The following CDH13 variants were observed in gnomAD, a reference collection of about 807,000 sequenced individuals.
CDH13 encodes cadherin 13.
Under a neutral mutation model 63.8 loss-of-function variants are expected in CDH13, and 24 were observed. That is an observed-to-expected ratio of 0.38 (90% CI 0.27 to 0.53). The LOEUF is 0.53. Ranked by LOEUF, CDH13 falls within the 20% of genes least tolerant of loss-of-function variation. CDH13 has a pLI of 0.85. For synonymous variants in CDH13, 503 were observed against 355.3 expected, an observed-to-expected ratio of 1.42 and a Z score of -4.67; for missense variants, 1,049 against 903.1, an observed-to-expected ratio of 1.16 and a Z score of -2.07.
At chr16:82,682,992 C>T (rs575646554) in intron 1 of CDH13, among the ~76,000 whole-genome samples, 3 of 152,308 alleles carry the variant, frequency 2.0e-5, no homozygotes, top group Admixed American at 1.3e-4. Flanking sequence ...AATTAGACCT[C>T]GGGTTCAAGT....
intron 3 of CDH13, among the ~76,000 whole-genome samples, chr16:83,036,650 G>A (rs1916886416): frequency 6.6e-6 from 1 of 152,090 alleles, no homozygotes; most frequent in Admixed American, 6.5e-5. Flanking sequence ...ACACTCCTGT[G>A]GCTGCCTGTA....
chr16:83,229,592 A>G (rs561102596), intron 5 of CDH13, among the ~76,000 whole-genome samples: 3 of 151,808 alleles, frequency 2.0e-5, no homozygotes, highest in Admixed American at 6.6e-5. Context: ...TTTGATTGGT[A>G]TCTGTTTTAA....
intron 1 of CDH13, among the ~76,000 whole-genome samples, chr16:82,770,828 C>A (rs1005139669): frequency 6.6e-6 from 1 of 152,164 alleles, no homozygotes; most frequent in Non-Finnish European, 1.5e-5. Context: ...CTGCCTCAGC[C>A]TCCCGAGTAG....
intron 8 of CDH13, among the ~76,000 whole-genome samples, chr16:83,656,414 T>A (rs1364522086): frequency 1.3e-5 from 2 of 152,118 alleles, no homozygotes; most frequent in African/African-American, 4.8e-5. Flanking sequence ...CAGAAGCAGA[T>A]GCTGGCTGTG....
chr16:83,590,904 T>C (rs1047349640), intron 7 of CDH13, among the ~76,000 whole-genome samples: 70 of 7,596 alleles, frequency 9.2e-3, no homozygotes, highest in Non-Finnish European at 9.7e-3. Flanking sequence ...CAGGGGATTC[T>C]TTTTTTTTTT....
intron 1 of CDH13, among the ~76,000 whole-genome samples, chr16:82,797,114 T>C (rs4783281): frequency 6.6e-6 from 1 of 152,218 alleles, no homozygotes; most frequent in African/African-American, 2.4e-5. Flanking sequence ...AAAGTCTAGA[T>C]GAAATGAGGT....
At chr16:83,598,662 C>G (rs1373124339) in intron 7 of CDH13, among the ~76,000 whole-genome samples, 1 of 152,092 alleles carries the variant, frequency 6.6e-6, no homozygotes, top group African/African-American at 2.4e-5. Context: ...AATGTATTAG[C>G]TCATAGAATT....
intron 1 of CDH13, among the ~76,000 whole-genome samples, chr16:82,722,588 A>G (rs944909725): frequency 6.6e-6 from 1 of 152,080 alleles, no homozygotes; most frequent in Non-Finnish European, 1.5e-5. Context: ...CCTTATTTTC[A>G]TGGACCAAGT....
chr16:82,741,350 T>A (rs2033924384), intron 1 of CDH13, among the ~76,000 whole-genome samples: 1 of 152,234 alleles, frequency 6.6e-6, no homozygotes, highest in Admixed American at 6.5e-5. Flanking sequence ...TGAATTGATG[T>A]TTATTCGTCA....
At chr16:83,783,166 G>C in intron 12 of CDH13, 88 bp from the exon 13 acceptor site, 1 of 841,386 alleles carries the variant, frequency 1.2e-6, no homozygotes, top group Non-Finnish European at 2.0e-6. Flanking sequence ...TGCAATGCCT[G>C]TTTGGTGTGA....
At chr16:82,880,976 A>G (rs1221567227) in intron 2 of CDH13, among the ~76,000 whole-genome samples, 5 of 152,174 alleles carry the variant, frequency 3.3e-5, no homozygotes, top group Admixed American at 2.6e-4. Flanking sequence ...GCCTTTAGAC[A>G]TTACCCCGTG....
rs187203468 is a variant in CDH13 at position 82,803,992 on chromosome 16, G to C, written c.46-54370G>C. ...TGCCTGTAATCCCAGCACTTTGGGA[G>C]GCTGAGGTGGGCAGATCACGAGGTC... On this transcript the variant is annotated intron_variant, in intron 1 of 13. Transcript: ENST00000567109. Among the ~76,000 whole-genome samples the C allele has an allele frequency of 3.8e-3, 575 of 152,280 alleles. 1 individual carries two copies. The highest frequency in any genetic ancestry group is 0.013 in the African/African-American group (555 of 41,554).
intron 7 of CDH13, among the ~76,000 whole-genome samples, chr16:83,505,552 T>G (rs1051156354): frequency 2.0e-5 from 3 of 148,804 alleles, no homozygotes; most frequent in Admixed American, 6.7e-5. Context: ...TTTTTTTTTT[T>G]TTTTTTTGAG....
intron 7 of CDH13, among the ~76,000 whole-genome samples, chr16:83,502,460 C>G (rs955889657): frequency 9.9e-5 from 15 of 152,164 alleles, no homozygotes; most frequent in African/African-American, 3.6e-4. Context: ...TTTTAGCCCA[C>G]TGAGACCCAC....
intron 6 of CDH13, among the ~76,000 whole-genome samples, chr16:83,416,410 A>G (rs1341800884): frequency 6.6e-6 from 1 of 151,896 alleles, no homozygotes; most frequent in African/African-American, 2.4e-5. Flanking sequence ...CTTCTTTTTG[A>G]CTCTCATGAC....
rs777474691 is a variant in CDH13 at position 83,061,446 on chromosome 16, C to T, written c.366+29228C>T. The stretch of plus-strand genomic sequence containing the variant: ...GGTGACCTTCTCCCTGTGCCAACCC[C>T]GGAATACAATGGGATGAGTAACTGG... On this transcript the variant is annotated intron_variant, in intron 3 of 13. Transcript: ENST00000567109. 9.9e-5 allele frequency among the ~76,000 whole-genome samples: 15 copies of T among 152,246 alleles called. 1 individual carries two copies. In the South Asian group the frequency reaches 1.2e-3, roughly 13 times the overall value.
At chr16:83,760,636 G>A (rs996482728) in intron 11 of CDH13, among the ~76,000 whole-genome samples, 34 of 152,200 alleles carry the variant, frequency 2.2e-4, no homozygotes, top group African/African-American at 6.5e-4. Context: ...AAACCCAGGC[G>A]AAATTAATCC....
chr16:82,859,664 G>T (rs150003235), intron 2 of CDH13: 218 of 151,844 alleles, frequency 1.4e-3, no homozygotes, highest in African/African-American at 5.0e-3. Flanking sequence ...ATGGTCTCAG[G>T]TTTACGTTCC....
At chr16:83,604,865 G>A (rs898564790) in intron 8 of CDH13, among the ~76,000 whole-genome samples, 2 of 152,152 alleles carry the variant, frequency 1.3e-5, no homozygotes, top group Non-Finnish European at 1.5e-5. Context: ...TTTGGGTCCT[G>A]TGACTTAGGA....
Sources: allele counts gnomAD v4.1 joint callset (sites outside exome capture counted in the v4.1 genomes callset), GRCh38; gene constraint gnomAD v4.1.1; transcripts MANE v1.5; gene names NCBI Gene and HGNC (gene_info 2026-07-23, HGNC 2026-07-21).